CHD4: variants seen among roughly 807,000 people sequenced by gnomAD.
The protein encoded by CHD4 is chromodomain helicase DNA binding protein 4, also known as ATP-dependent chromatin remodeler CHD4.
In CHD4, 35 loss-of-function variants were observed where a neutral mutation model predicts 235.5. The ratio of observed to expected loss-of-function variants is 0.15; its 90% confidence interval spans 0.11 to 0.20. The LOEUF (loss-of-function observed/expected upper bound fraction) is 0.20. CHD4 is among the 10% of genes least tolerant of loss of function. The pLI is 1.00. For missense variants in CHD4, 1,329 were observed against 2,432.3 expected (o/e 0.55, Z 9.54); for synonymous variants, 900 against 850.2 (o/e 1.06, Z -1.02).
intron 37 of CHD4, among the ~76,000 whole-genome samples, chr12:6,576,729 T>C (rs1330964700): frequency 1.3e-5 from 2 of 152,166 alleles, no homozygotes; most frequent in African/African-American, 4.8e-5. Context: ...AACTTTCTTA[T>C]GCCAATCAGC....
chr12:6,599,183 G>C (rs1261615199), intron 10 of CHD4, among the ~76,000 whole-genome samples: 2 of 152,192 alleles, frequency 1.3e-5, no homozygotes, highest in African/African-American at 4.8e-5. Context: ...TGTAATGCCA[G>C]CACTTAATGA....
chr12:6,596,992 G>T (rs578085343), intron 12 of CHD4, among the ~76,000 whole-genome samples: 1 of 150,388 alleles, frequency 6.6e-6, no homozygotes, highest in African/African-American at 2.5e-5. Flanking sequence ...TAAATAGGCC[G>T]AGTGCGGCGG....
At chr12:6,603,645 A>G (rs1467303503) in intron 2 of CHD4, among the ~76,000 whole-genome samples, 2 of 152,134 alleles carry the variant, frequency 1.3e-5, no homozygotes, top group Non-Finnish European at 2.9e-5. Context: ...CTGGGATGAC[A>G]ACAGTTCACA....
rs141878949 is a variant in CHD4, at chr12:6,600,724, G to A, written c.928-55C>T. The A allele has an allele frequency of 4.2e-5, 67 of 1,600,678 alleles. No homozygotes were observed. In the East Asian group the frequency reaches 1.4e-3, roughly 33 times the overall value. ...CGTTCAAGCCAAGGGGAAGGACAGA[G>A]TGGCAGAGAGGGGAGTACTCTCTCA... On this transcript the variant is annotated intron_variant, in intron 7 of 39. Transcript: ENST00000544040.
At chr12:6,594,777 G>T in intron 14 of CHD4, 127 bp from the exon 15 acceptor site, 1 of 793,062 alleles carries the variant, frequency 1.3e-6, no homozygotes, top group Non-Finnish European at 2.0e-6. Context: ...AATTCGGAGG[G>T]AAGAGATCCC....
chr12:6,601,777 A>T lies in CHD4; in HGVS notation c.439-11T>A, dbSNP rs1410668068. On this transcript the variant is annotated splice_polypyrimidine_tract_variant and intron_variant, in intron 4 of 39. Transcript: ENST00000544040. ...AGATGATTTAGGCTCCTGCAGAAAGAGCAAAGTCAAGTAAGTACCTGCCAC... is the reference window on the plus strand; with the variant it reads ...AGATGATTTAGGCTCCTGCAGAAAGTGCAAAGTCAAGTAAGTACCTGCCAC... 1 of 1,611,180 alleles carries T rather than the reference A, an allele frequency of 6.2e-7. No homozygotes were observed. Among genetic ancestry groups the T allele is most frequent in the African/African-American group, 1.3e-5 (1 of 74,840 alleles).
chr12:6,571,057 T>A (rs200362476), intron 38 of CHD4, 25 bp from the exon 39 acceptor site: 1 of 1,610,702 alleles, frequency 6.2e-7, no homozygotes, highest in African/African-American at 1.3e-5. Flanking sequence ...AAAGAGGTGG[T>A]GAGCTGTGGT....
At chr12:6,606,175 A>G (rs914895025) in intron 2 of CHD4, 99 bp downstream of exon 2, 78 of 796,562 alleles carry the variant, frequency 9.8e-5, no homozygotes, top group Admixed American at 2.9e-4. Context: ...GGCTCTGCAC[A>G]GAGACAGCGG....
chr12:6,577,469 A>C (rs551398943), intron 37 of CHD4, among the ~76,000 whole-genome samples: 1 of 151,498 alleles, frequency 6.6e-6, no homozygotes, highest in South Asian at 2.1e-4. Flanking sequence ...TAATAGCTCT[A>C]CATCTTCAGA....
At chr12:6,579,535 G>A (rs1251648151) in intron 33 of CHD4, 6 of 155,572 alleles carry the variant, frequency 3.9e-5, no homozygotes, top group Non-Finnish European at 8.3e-5. Context: ...AGTGAGCCAA[G>A]ATCACACCAC....
At position 6,587,859 on chromosome 12, in the gene CHD4, G is replaced by T; in HGVS notation, c.3556C>A (p.Gln1186Lys). 1 of 1,614,208 alleles carries T rather than the reference G, an allele frequency of 6.2e-7. No individual in the cohort carries two copies. The highest frequency in any genetic ancestry group is 8.5e-7 in the Non-Finnish European group (1 of 1,180,034). ...TRASVEERIT[Q>K]VAKKKMMLTH... ...AGCATCATTTTCTTCTTTGCCACCTGCGTGATGCGCTCCTCCACTGACGCA... is the reference window on the plus strand; with the variant it reads ...AGCATCATTTTCTTCTTTGCCACCTTCGTGATGCGCTCCTCCACTGACGCA... Residue 1186 changes from glutamine (Q) to lysine (K), a missense_variant, in exon 24 of 40, where the codon CAG becomes AAG. Coordinates refer to ENST00000544040, the MANE Select transcript of CHD4 (RefSeq NM_001273.5).
rs1947941318 is a variant in CHD4, at chr12:6,570,377, G to C, written c.*299C>G. The C allele has an allele frequency of 4.8e-6, 2 of 420,828 alleles. No individual in the cohort carries two copies. Among genetic ancestry groups the C allele is most frequent in the Non-Finnish European group, 8.5e-6 (2 of 236,452 alleles). The allele number at this position is 420,828 out of a possible 1,614,324, so 26.1% of individuals were successfully genotyped here. A position where few individuals can be genotyped will look rare whatever the true frequency, so the allele number is the denominator to read the frequency against. On this transcript the variant is annotated 3_prime_UTR_variant, in exon 40 of 40. Coordinates refer to ENST00000544040, the MANE Select transcript of CHD4 (RefSeq NM_001273.5). ...AGATCATTTTCTTCAAGCCTGGCAGGAACCCACAACAGTTTGTGTGTAACA... is the reference window on the plus strand; with the variant it reads ...AGATCATTTTCTTCAAGCCTGGCAGCAACCCACAACAGTTTGTGTGTAACA...
Position 6,581,782 on chromosome 12 carries a change from C to G in CHD4, c.4548G>C (p.Trp1516Cys). ...CCACCTCAGCCAGTTCAGGCATGCTCCAGCGCCCATTAACATGTTCAAACT... is the reference window on the plus strand; with the variant it reads ...CCACCTCAGCCAGTTCAGGCATGCTGCAGCGCCCATTAACATGTTCAAACT... ...VQEFEHVNGRWSMPELAEVEE... is the reference protein window; with the variant it reads ...VQEFEHVNGRCSMPELAEVEE... Residue 1516 changes from tryptophan to cysteine, a missense_variant, in exon 31 of 40, where the codon TGG becomes TGC. Trp to Cys is a radical substitution (Grantham distance 215). This residue lies in a region of CHD4 where 219 missense variants were observed against 219.3 expected (regional missense o/e 1.00). Transcript: ENST00000544040. 9 of 1,549,062 alleles carry G rather than the reference C, an allele frequency of 5.8e-6. No individual in the cohort carries two copies. The highest frequency in any genetic ancestry group is 7.8e-6 in the Non-Finnish European group (9 of 1,149,116).
chr12:6,599,671 G>GA, intron 10 of CHD4, 102 bp downstream of exon 10: 2 of 1,452,174 alleles, frequency 1.4e-6, no homozygotes, highest in South Asian at 2.5e-5. Flanking sequence ...TCTCAGGGCT[G>GA]AAAAGCTCAT....
Position 6,576,924 on chromosome 12 carries a change from C to T in CHD4, c.5361+861G>A, listed in dbSNP as rs573859767. On this transcript the variant is annotated intron_variant, in intron 37 of 39. Transcript: ENST00000544040. ...TTCTTCCCCGATTATACTCAGCGTA[C>T]GAGACAACAGACACGTCTTTTTTTT... Among the ~76,000 whole-genome samples, 7 of 150,470 alleles carry T rather than the reference C, an allele frequency of 4.7e-5. No individual in the cohort carries two copies. In the South Asian group the frequency reaches 1.3e-3, roughly 27 times the overall value.
chr12:6,605,045 C>A (rs1948666602), intron 2 of CHD4, among the ~76,000 whole-genome samples: 1 of 152,226 alleles, frequency 6.6e-6, no homozygotes, highest in Non-Finnish European at 1.5e-5. Flanking sequence ...CTCATCCCAA[C>A]AGCCCAGACT....
At chr12:6,603,452 G>A (rs1948633250) in intron 2 of CHD4, among the ~76,000 whole-genome samples, 1 of 151,908 alleles carries the variant, frequency 6.6e-6, no homozygotes, top group African/African-American at 2.4e-5. Context: ...CTCACCCACT[G>A]AGGAGAGGGA....
At chr12:6,603,735 G>C (rs750400791) in intron 2 of CHD4, among the ~76,000 whole-genome samples, 13 of 152,106 alleles carry the variant, frequency 8.5e-5, no homozygotes, top group Non-Finnish European at 1.3e-4. Flanking sequence ...AGAAGAACTC[G>C]ATCACTCCCT....
intron 35 of CHD4, 108 bp downstream of exon 35, chr12:6,578,301 C>G (rs1948106783): frequency 6.9e-7 from 1 of 1,443,088 alleles, no homozygotes; most frequent in Non-Finnish European, 9.6e-7. Context: ...TTGGCATTCC[C>G]TCATCAAACA....
Sources: gnomAD v4.1 joint callset for allele counts (sites outside exome capture counted in the v4.1 genomes callset) on GRCh38, gnomAD v4.1.1 for gene constraint, gnomAD v4.1.1 regional missense constraint, MANE v1.5 for transcripts, NCBI Gene and HGNC (gene_info 2026-07-23, HGNC 2026-07-21) for gene names.